The following ZNF420 variants were observed in gnomAD, a reference collection of about 807,000 sequenced individuals.
ZNF420 encodes zinc finger protein 420.
Under a neutral mutation model 44.7 loss-of-function variants are expected in ZNF420, and 31 were observed. That is an observed-to-expected ratio of 0.69 (90% CI 0.52 to 0.94). The LOEUF is 0.94. Among genes scored for constraint, ZNF420 ranks in the 40% least tolerant of loss-of-function variants. ZNF420 has a pLI of 0.00. For synonymous variants in ZNF420, 245 were observed against 267.4 expected (o/e 0.92, Z 0.82); for missense variants, 681 against 827.9 (o/e 0.82, Z 2.18).
At chr19:37,126,449 G>A (rs1442593320) in intron 4 of ZNF420, among the ~76,000 whole-genome samples, 1 of 152,122 alleles carries the variant, frequency 6.6e-6, no homozygotes, top group African/African-American at 2.4e-5. Flanking sequence ...CATGGAAGGG[G>A]AAATAAGTCA....
At chr19:37,026,378 T>C (rs1715260116) in intron 1 of ZNF420, among the ~76,000 whole-genome samples, 1 of 147,636 alleles carries the variant, frequency 6.8e-6, no homozygotes, top group Non-Finnish European at 1.5e-5. Flanking sequence ...TGGAGTGCAA[T>C]GGGGTGATCT....
intron 1 of ZNF420, among the ~76,000 whole-genome samples, chr19:37,041,276 A>G (rs1257012065): frequency 6.7e-6 from 1 of 149,546 alleles, no homozygotes; most frequent in Non-Finnish European, 1.5e-5. Context: ...ATGCCACTGC[A>G]CTCCAGCCTG....
At chr19:37,082,701 G>C (rs1226714301) in intron 2 of ZNF420, among the ~76,000 whole-genome samples, 1 of 152,122 alleles carries the variant, frequency 6.6e-6, no homozygotes, top group East Asian at 1.9e-4. Flanking sequence ...TCCTGTTGGA[G>C]TTTGACAGGA....
chr19:37,077,254 T>C (rs1355653317), upstream of ZNF420, among the ~76,000 whole-genome samples: 3 of 152,242 alleles, frequency 2.0e-5, no homozygotes, highest in Admixed American at 2.0e-4. Context: ...GACAAGTGTT[T>C]GACCTAGAAT....
intron 1 of ZNF420, among the ~76,000 whole-genome samples, chr19:37,016,351 G>A (rs1007800342): frequency 1.3e-5 from 2 of 152,220 alleles, no homozygotes; most frequent in African/African-American, 2.4e-5. Flanking sequence ...TTGACTGGGT[G>A]CAGGCCAGGT....
At chr19:37,034,936 G>A (rs1485231161) in intron 1 of ZNF420, among the ~76,000 whole-genome samples, 1 of 152,218 alleles carries the variant, frequency 6.6e-6, no homozygotes, top group African/African-American at 2.4e-5. Context: ...AGAGGCAAAA[G>A]GGACAGTTTC....
At chr19:37,032,623 G>T (rs1206556094) in intron 1 of ZNF420, among the ~76,000 whole-genome samples, 2 of 151,822 alleles carry the variant, frequency 1.3e-5, no homozygotes, top group Non-Finnish European at 2.9e-5. Flanking sequence ...TTACCAACAA[G>T]GTTAAACCCC....
chr19:37,024,603 C>T (rs1967116599), intron 1 of ZNF420, among the ~76,000 whole-genome samples: 1 of 152,096 alleles, frequency 6.6e-6, no homozygotes, highest in Admixed American at 6.6e-5. Context: ...GTGCCGTCAC[C>T]ACACCTGGCT....
chr19:37,087,635 A>C lies in ZNF420; in HGVS notation c.-80-1404A>C, dbSNP rs1173565812. Among the ~76,000 whole-genome samples the C allele has an allele frequency of 2.0e-5, 3 of 152,018 alleles. No individual in the cohort carries two copies. In the East Asian group the frequency reaches 5.8e-4, roughly 29 times the overall value. On this transcript the variant is annotated intron_variant, in intron 2 of 4. Coordinates refer to ENST00000337995, the MANE Select transcript of ZNF420 (RefSeq NM_144689.5). ...GTTAAAGTAAGTGGGTTGAGGGTAA[A>C]GACTTCTAGCTTTTTTGTTTGTTTG... is the stretch of plus-strand genomic sequence containing the variant.
chr19:37,058,300 C>T (rs184359467), intron 1 of ZNF420, among the ~76,000 whole-genome samples: 9 of 152,288 alleles, frequency 5.9e-5, no homozygotes, highest in Non-Finnish European at 1.3e-4. Flanking sequence ...AGTTTCACCT[C>T]ATGGCTGGGT....
intron 1 of ZNF420, among the ~76,000 whole-genome samples, chr19:37,033,849 C>G (rs1291817412): frequency 1.3e-5 from 2 of 152,150 alleles, no homozygotes; most frequent in Admixed American, 6.5e-5. Flanking sequence ...CTCCGCCTCC[C>G]AGGTTCAAGC....
At chr19:37,044,716 G>A (rs1465416588) in intron 1 of ZNF420, among the ~76,000 whole-genome samples, 1 of 151,950 alleles carries the variant, frequency 6.6e-6, no homozygotes, top group East Asian at 1.9e-4. Context: ...AAATACAAAA[G>A]ATTAGCCGGG....
intron 2 of ZNF420, among the ~76,000 whole-genome samples, chr19:37,086,598 TC>T (rs1968801212): frequency 6.6e-6 from 1 of 152,234 alleles, no homozygotes; most frequent in African/African-American, 2.4e-5. Flanking sequence ...AATTCCCAAC[TC>T]TGTGGGTTTG....
In ZNF420 at chr19:37,130,318, G is replaced by T; in HGVS notation, c.*1260G>T. ...AATAAAATTAAACATCTTATTTGTTGATGCTATTGTAGTTCTGTTATTGAC... is the reference window on the plus strand; with the variant it reads ...AATAAAATTAAACATCTTATTTGTTTATGCTATTGTAGTTCTGTTATTGAC... On this transcript the variant is annotated 3_prime_UTR_variant, in exon 5 of 5. Coordinates refer to ENST00000337995, the MANE Select transcript of ZNF420 (RefSeq NM_144689.5). 7.2e-7 allele frequency: 1 copy of T among 1,392,230 alleles called. No homozygotes were observed. 86.2% of individuals were successfully genotyped at this position (1,392,230 alleles called of 1,614,324 possible).
chr19:37,129,760 A>AAC lies in ZNF420; in HGVS notation c.*702_*703insAC, dbSNP rs556435231. 6 of 202,254 alleles carry AAC rather than the reference A, an allele frequency of 3.0e-5. No individual in the cohort carries two copies. The East Asian group carries it at 6.7e-4, about 23-fold the overall frequency. The allele number at this position is 202,254 out of a possible 1,614,324, so 12.5% of individuals were successfully genotyped here. ...TCAGTGTATTATTAAAAAAAAAAAAACCCAGTGGATGTAATCAGTGTATTA... is the reference window on the plus strand; with the variant it reads ...TCAGTGTATTATTAAAAAAAAAAAAAACCCCAGTGGATGTAATCAGTGTATTA... On this transcript the variant is annotated 3_prime_UTR_variant, in exon 5 of 5. Transcript: ENST00000337995.
At chr19:37,115,554 G>A (rs576123110) in intron 4 of ZNF420, among the ~76,000 whole-genome samples, 31 of 152,018 alleles carry the variant, frequency 2.0e-4, no homozygotes, top group African/African-American at 6.0e-4. Context: ...TTAAATAGCA[G>A]TATTGCTGCT....
At chr19:37,042,226 T>G (rs2146412097) in intron 1 of ZNF420, among the ~76,000 whole-genome samples, 2 of 152,360 alleles carry the variant, frequency 1.3e-5, no homozygotes, top group South Asian at 4.1e-4. Context: ...CTTGAACTCC[T>G]GACCTTGTGA....
intron 1 of ZNF420, among the ~76,000 whole-genome samples, chr19:37,041,489 TCTTA>T (rs150182236): frequency 0.017 from 2,653 of 152,250 alleles, 42 homozygotes; most frequent in Middle Eastern, 0.054. Context: ...ACTTAAAACT[TCTTA>T]CTTCCAACTT....
chr19:37,123,895 A>G (rs983068335), intron 4 of ZNF420, among the ~76,000 whole-genome samples: 1 of 152,128 alleles, frequency 6.6e-6, no homozygotes, highest in African/African-American at 2.4e-5. Context: ...GGCATGAGCC[A>G]CTGCGCCCAG....
Sources: allele counts gnomAD v4.1 joint callset (sites outside exome capture counted in the v4.1 genomes callset), GRCh38; gene constraint gnomAD v4.1.1; transcripts MANE v1.5; gene names NCBI Gene and HGNC (gene_info 2026-07-23, HGNC 2026-07-21).